RERE: variants seen among roughly 807,000 people sequenced by gnomAD.
RERE encodes arginine-glutamic acid dipeptide repeats protein.
Under a neutral mutation model 146.1 loss-of-function variants are expected in RERE, and 40 were observed. The observed-to-expected ratio is 0.27, with a 90% CI of 0.21 to 0.36. The LOEUF (loss-of-function observed/expected upper bound fraction) is 0.36. Among genes scored for constraint, RERE ranks in the 10% least tolerant of loss-of-function variants. RERE has a pLI of 1.00. For missense variants in RERE, 1,933 were observed against 2,138.7 expected, an observed-to-expected ratio of 0.90 and a Z score of 1.90; for synonymous variants, 1,003 against 866.0, an observed-to-expected ratio of 1.16 and a Z score of -2.78.
At chr1:8,758,339 C>T (rs1640686296) in intron 1 of RERE, among the ~76,000 whole-genome samples, 1 of 151,830 alleles carries the variant, frequency 6.6e-6, no homozygotes, top group South Asian at 2.1e-4. Context: ...ACCCAGCCAC[C>T]CAAAGTGCTG....
chr1:8,802,687 T>C (rs1012146937), intron 1 of RERE, among the ~76,000 whole-genome samples: 2 of 152,214 alleles, frequency 1.3e-5, no homozygotes, highest in Non-Finnish European at 2.9e-5. Flanking sequence ...ACATGTCTCA[T>C]CTTTCCCATT....
At chr1:8,669,445 C>G (rs1005304291) in intron 1 of RERE, among the ~76,000 whole-genome samples, 8 of 152,142 alleles carry the variant, frequency 5.3e-5, no homozygotes, top group Non-Finnish European at 1.2e-4. Context: ...TGAATTATAT[C>G]TCAACAAAGC....
intron 1 of RERE, among the ~76,000 whole-genome samples, chr1:8,708,327 T>A (rs2124451864): frequency 6.6e-6 from 1 of 152,266 alleles, no homozygotes; most frequent in South Asian, 2.1e-4. Flanking sequence ...TGTTTTTGTT[T>A]TGAGGCGGAG....
At chr1:8,412,855 T>C (rs985625218) in intron 12 of RERE, among the ~76,000 whole-genome samples, 1 of 152,156 alleles carries the variant, frequency 6.6e-6, no homozygotes, top group Non-Finnish European at 1.5e-5. Context: ...ATATCCAGGT[T>C]TCAAACTGGT....
At chr1:8,466,098 CTCAT>C in intron 10 of RERE, 75 bp from the exon 11 acceptor site, 1 of 1,189,388 alleles carries the variant, frequency 8.4e-7, no homozygotes, top group Non-Finnish European at 1.2e-6. Context: ...AGGCAAGCTC[CTCAT>C]TGACTATCTC....
At chr1:8,734,529 G>A (rs1180310643) in intron 1 of RERE, among the ~76,000 whole-genome samples, 1 of 152,160 alleles carries the variant, frequency 6.6e-6, no homozygotes, top group African/African-American at 2.4e-5. Flanking sequence ...GGCAGCACAA[G>A]GGGTGCACAC....
chr1:8,664,218 C>G (rs1362063940), intron 1 of RERE, among the ~76,000 whole-genome samples: 1 of 152,150 alleles, frequency 6.6e-6, no homozygotes, highest in Non-Finnish European at 1.5e-5. Flanking sequence ...CTGACAGGGG[C>G]TGGCCACACA....
chr1:8,413,923 C>T (rs1372699255), intron 12 of RERE, among the ~76,000 whole-genome samples: 2 of 151,932 alleles, frequency 1.3e-5, no homozygotes, highest in South Asian at 2.1e-4. Context: ...GGCATGGTGG[C>T]GCATGCCTAT....
chr1:8,603,266 G>A (rs747374306), intron 4 of RERE, among the ~76,000 whole-genome samples: 2 of 152,248 alleles, frequency 1.3e-5, no homozygotes, highest in South Asian at 4.1e-4. Context: ...AAACAAGATG[G>A]CCTCAATGTG....
intron 4 of RERE, among the ~76,000 whole-genome samples, chr1:8,592,997 C>T (rs1473636928): frequency 6.6e-6 from 1 of 152,152 alleles, no homozygotes; most frequent in Non-Finnish European, 1.5e-5. Flanking sequence ...TTCTCCTAAT[C>T]CCAAGAAATG....
chr1:8,470,587 A>G (rs559738406), intron 10 of RERE, among the ~76,000 whole-genome samples: 1 of 151,960 alleles, frequency 6.6e-6, no homozygotes, highest in South Asian at 2.1e-4. Context: ...TGAAGGAAGA[A>G]TATTATTGCG....
At chr1:8,581,171 T>C (rs1179037157) in intron 4 of RERE, among the ~76,000 whole-genome samples, 1 of 152,252 alleles carries the variant, frequency 6.6e-6, no homozygotes, top group Non-Finnish European at 1.5e-5. Flanking sequence ...ATCTCTTCAA[T>C]TTAGCCATTC....
chr1:8,735,022 C>T (rs940515722), intron 1 of RERE, among the ~76,000 whole-genome samples: 4 of 152,152 alleles, frequency 2.6e-5, no homozygotes, highest in African/African-American at 7.2e-5. Context: ...ATACTTGATA[C>T]TTATTGTGTC....
intron 12 of RERE, chr1:8,380,865 C>T (rs1352021900): frequency 2.2e-6 from 1 of 456,740 alleles, no homozygotes; most frequent in Non-Finnish European, 4.4e-6. Context: ...CCTTGGAGTC[C>T]TGGTCCTGAA....
intron 1 of RERE, among the ~76,000 whole-genome samples, chr1:8,670,227 C>T (rs1014388444): frequency 1.3e-5 from 2 of 152,154 alleles, no homozygotes; most frequent in Non-Finnish European, 2.9e-5. Flanking sequence ...AATTAAGATG[C>T]CAGCAACTAG....
chr1:8,817,131 G>C (rs1279885483), intron 1 of RERE, 29 bp downstream of exon 1: 5 of 152,244 alleles, frequency 3.3e-5, no homozygotes, highest in Admixed American at 2.6e-4. Context: ...GAAAGCACAC[G>C]ACCCGGCGCG....
chr1:8,629,970 T>C (rs1647015824), intron 2 of RERE, among the ~76,000 whole-genome samples: 1 of 152,098 alleles, frequency 6.6e-6, no homozygotes, highest in African/African-American at 2.4e-5. Flanking sequence ...AGCGGTGAAA[T>C]GGGAAGTTGA....
In RERE at chr1:8,360,442, G is replaced by A. The variant is rs12741211; in HGVS notation, c.3065C>T (p.Pro1022Leu). 5 of 1,004,962 alleles carry A rather than the reference G, an allele frequency of 5.0e-6. No individual in the cohort carries two copies. The highest frequency in any genetic ancestry group is 6.9e-6 in the Non-Finnish European group (5 of 727,644). 62.3% of individuals were successfully genotyped at this position (1,004,962 alleles called of 1,614,324 possible). ...GGGGGCCACCTGGTGGAGGCCTGTA[G>A]GGGGGTGGGAGGCAGGGGGCGGGGG... The part of the protein sequence containing the change: ...NLPPPPASHP[P>L]TGLHQVAPQP... The change falls in exon 18 of 23, where the codon CCT becomes CTT. Residue 1022 changes from proline to leucine, a missense_variant. By Grantham distance (98) the Pro-to-Leu change is moderately conservative. This residue lies in a region of RERE where 1,255 missense variants were observed against 1,153.8 expected (regional missense o/e 1.09). Transcript: ENST00000400908.
chr1:8,528,070 C>G lies in RERE; in HGVS notation c.830+13144G>C, dbSNP rs531275974. Among the ~76,000 whole-genome samples the G allele has an allele frequency of 4.6e-5, 7 of 152,306 alleles. No individual in the cohort carries two copies. In the South Asian group the frequency reaches 1.5e-3, roughly 32 times the overall value. ...ACCACCCAACTCTCCTATTTTGTACCTCAAAGAACTCTATCTGAAGCAGTG... is the reference window on the plus strand; with the variant it reads ...ACCACCCAACTCTCCTATTTTGTACGTCAAAGAACTCTATCTGAAGCAGTG... On this transcript the variant is annotated intron_variant, in intron 7 of 22. Transcript: ENST00000400908.
Sources: allele counts gnomAD v4.1 joint callset (sites outside exome capture counted in the v4.1 genomes callset), GRCh38; gene constraint gnomAD v4.1.1; regional missense constraint gnomAD v4.1.1; transcripts MANE v1.5; gene names NCBI Gene and HGNC (gene_info 2026-07-23, HGNC 2026-07-21).